RBFOX1: variants seen among roughly 807,000 people sequenced by gnomAD.
RBFOX1 encodes RNA binding protein fox-1 homolog 1.
RBFOX1 carries 8 observed loss-of-function variants against 57.7 expected under a neutral mutation model. The ratio of observed to expected loss-of-function variants is 0.14; its 90% CI spans 0.08 to 0.25. The LOEUF (loss-of-function observed/expected upper bound fraction) is 0.25, where lower values mean the gene tolerates loss of function less well. Among genes scored for constraint, RBFOX1 ranks in the 10% least tolerant of loss-of-function variants. The pLI, the probability that RBFOX1 is intolerant of heterozygous loss-of-function variation, is 1.00. For missense variants in RBFOX1, 611 were observed against 548.5 expected (o/e 1.11, Z -1.14); for synonymous variants, 326 against 222.4 (o/e 1.47, Z -4.15).
At chr16:5,310,574 G>C (rs1296969295) in intron 1 of RBFOX1, among the ~76,000 whole-genome samples, 1 of 152,170 alleles carries the variant, frequency 6.6e-6, no homozygotes, top group Admixed American at 6.6e-5. Flanking sequence ...TTTTGGCTGG[G>C]CTAGAGATTC....
At chr16:5,340,177 A>C (rs2065002904) in intron 1 of RBFOX1, among the ~76,000 whole-genome samples, 1 of 152,186 alleles carries the variant, frequency 6.6e-6, no homozygotes, top group Non-Finnish European at 1.5e-5. Flanking sequence ...GAATTATGAC[A>C]AAAGACAGTT....
At chr16:6,921,625 G>GTATA (rs146354998) in intron 3 of RBFOX1, among the ~76,000 whole-genome samples, 38 of 135,242 alleles carry the variant, frequency 2.8e-4, no homozygotes, top group African/African-American at 9.6e-4. Context: ...ATAAATTACT[G>GTATA]TATATATATA....
chr16:5,819,667 C>G (rs966467928), intron 3 of RBFOX1, among the ~76,000 whole-genome samples: 1 of 152,206 alleles, frequency 6.6e-6, no homozygotes, highest in Non-Finnish European at 1.5e-5. Flanking sequence ...GTCTCCAGGC[C>G]CTTATCTATG....
intron 1 of RBFOX1, among the ~76,000 whole-genome samples, chr16:5,387,249 G>A (rs1461994631): frequency 6.6e-6 from 1 of 152,144 alleles, no homozygotes; most frequent in Non-Finnish European, 1.5e-5. Flanking sequence ...GTAAGGCAGT[G>A]TTCTCATTTT....
intron 3 of RBFOX1, among the ~76,000 whole-genome samples, chr16:6,656,269 T>G (rs2098650850): frequency 6.6e-6 from 1 of 152,192 alleles, no homozygotes; most frequent in Non-Finnish European, 1.5e-5. Context: ...TCTCTTGGAC[T>G]TTTATGGAAT....
At chr16:6,794,661 C>T (rs538678715) in intron 3 of RBFOX1, among the ~76,000 whole-genome samples, 5 of 152,098 alleles carry the variant, frequency 3.3e-5, no homozygotes, top group East Asian at 1.9e-4. Flanking sequence ...CAAACCCTTC[C>T]CCCCATCACT....
At chr16:5,266,724 T>C (rs940276173) in intron 1 of RBFOX1, among the ~76,000 whole-genome samples, 2 of 151,638 alleles carry the variant, frequency 1.3e-5, no homozygotes, top group African/African-American at 4.8e-5. Context: ...AATTTTTGTA[T>C]TTATTTATTT....
chr16:5,688,819 T>C (rs546867004), intron 3 of RBFOX1, among the ~76,000 whole-genome samples: 72 of 152,322 alleles, frequency 4.7e-4, no homozygotes, highest in African/African-American at 1.6e-3. Flanking sequence ...CCTCTAGGTC[T>C]TTAAGAAAAC....
intron 4 of RBFOX1, among the ~76,000 whole-genome samples, chr16:5,877,105 A>G (rs1480319181): frequency 1.3e-5 from 2 of 152,188 alleles, no homozygotes; most frequent in African/African-American, 4.8e-5. Context: ...CTAACAGAAT[A>G]AAAGAATTAC....
intron 2 of RBFOX1, among the ~76,000 whole-genome samples, chr16:6,339,184 G>C (rs1282653694): frequency 2.0e-5 from 3 of 152,218 alleles, no homozygotes; most frequent in Non-Finnish European, 4.4e-5. Flanking sequence ...AGGCCAAGTT[G>C]ACAGAGTAAC....
intron 1 of RBFOX1, among the ~76,000 whole-genome samples, chr16:6,212,737 A>T (rs1363973311): frequency 6.6e-6 from 1 of 151,844 alleles, no homozygotes; most frequent in Non-Finnish European, 1.5e-5. Context: ...ACAAAAAAAA[A>T]ACCCACTAAT....
intron 3 of RBFOX1, among the ~76,000 whole-genome samples, chr16:6,951,723 C>T (rs2080800504): frequency 1.3e-5 from 2 of 152,056 alleles, no homozygotes; most frequent in African/African-American, 2.4e-5. Flanking sequence ...AGAGACTCCA[C>T]ACTTCTCTCT....
chr16:5,509,781 G>A (rs1203042398), intron 2 of RBFOX1, among the ~76,000 whole-genome samples: 2 of 152,176 alleles, frequency 1.3e-5, no homozygotes, highest in African/African-American at 2.4e-5. Flanking sequence ...GGAGTGGATG[G>A]ACCCAGGAGG....
chr16:5,516,816 C>G (rs567168398), intron 2 of RBFOX1, among the ~76,000 whole-genome samples: 64 of 152,244 alleles, frequency 4.2e-4, no homozygotes, highest in African/African-American at 1.5e-3. Context: ...TCATTCTTCT[C>G]TCTCCTGCTG....
intron 1 of RBFOX1, among the ~76,000 whole-genome samples, chr16:6,313,341 A>G (rs941491929): frequency 2.0e-5 from 3 of 152,210 alleles, no homozygotes; most frequent in African/African-American, 7.2e-5. Flanking sequence ...TACATTTTGT[A>G]AGGGTCACAC....
intron 2 of RBFOX1, among the ~76,000 whole-genome samples, chr16:6,570,267 G>T (rs1163074726): frequency 6.6e-6 from 1 of 152,114 alleles, no homozygotes; most frequent in Non-Finnish European, 1.5e-5. Context: ...TTCACTGTAA[G>T]ATACTCTTTT....
intron 4 of RBFOX1, among the ~76,000 whole-genome samples, chr16:5,962,045 C>T (rs140439376): frequency 3.3e-5 from 5 of 152,256 alleles, no homozygotes; most frequent in African/African-American, 9.6e-5. Flanking sequence ...CTCCTGTTCT[C>T]GTGGTACAAA....
intron 3 of RBFOX1, among the ~76,000 whole-genome samples, chr16:6,691,243 A>T (rs982444408): frequency 6.6e-6 from 1 of 152,146 alleles, no homozygotes; most frequent in Non-Finnish European, 1.5e-5. Context: ...CTATAAAATT[A>T]TTCCCGTGTC....
At chr16:7,470,233 C>G (rs7205333) in intron 4 of RBFOX1, among the ~76,000 whole-genome samples, 3,362 of 152,298 alleles carry the variant, frequency 0.022, 133 homozygotes, top group African/African-American at 0.076. Context: ...AGTATAAGAG[C>G]TGATTTCTGT....
Sources: allele counts gnomAD v4.1 joint callset (sites outside exome capture counted in the v4.1 genomes callset), GRCh38; gene constraint gnomAD v4.1.1; transcripts MANE v1.5; gene names NCBI Gene and HGNC (gene_info 2026-07-23, HGNC 2026-07-21).